The following AGBL4 variants were observed in gnomAD, a reference collection of about 807,000 sequenced individuals.
The protein encoded by AGBL4 is AGBL carboxypeptidase 4, also known as cytosolic carboxypeptidase 6.
In AGBL4, 58 loss-of-function variants were observed where a neutral mutation model predicts 66.4. That is an observed-to-expected ratio of 0.87 (90% CI 0.71 to 1.09). AGBL4 has a LOEUF of 1.09. AGBL4 is among the 50% of genes least tolerant of loss of function. The pLI is 0.00. For missense variants in AGBL4, 579 were observed against 631.0 expected, an observed-to-expected ratio of 0.92 and a Z score of 0.88; for synonymous variants, 234 against 222.9, an observed-to-expected ratio of 1.05 and a Z score of -0.44.
intron 3 of AGBL4, among the ~76,000 whole-genome samples, chr1:49,565,346 A>T (rs962376510): frequency 4.6e-5 from 7 of 152,182 alleles, no homozygotes; most frequent in African/African-American, 1.7e-4. Flanking sequence ...TCCTGTCATT[A>T]TGATGTTAGC....
chr1:49,385,325 G>A (rs1362517669), intron 3 of AGBL4, among the ~76,000 whole-genome samples: 1 of 151,796 alleles, frequency 6.6e-6, no homozygotes, highest in African/African-American at 2.4e-5. Flanking sequence ...ATAATAAAAT[G>A]ACAAAAGTGC....
At chr1:49,330,153 G>A (rs986901431) in intron 3 of AGBL4, among the ~76,000 whole-genome samples, 6 of 152,088 alleles carry the variant, frequency 3.9e-5, no homozygotes, top group South Asian at 2.1e-4. Context: ...TGGTGGCTTC[G>A]CACCTGTAAT....
chr1:48,970,448 C>A (rs1033818057), intron 5 of AGBL4, among the ~76,000 whole-genome samples: 2 of 152,130 alleles, frequency 1.3e-5, no homozygotes. Flanking sequence ...GCATTTACTG[C>A]AAATTAGTTT....
intron 1 of AGBL4, among the ~76,000 whole-genome samples, chr1:50,001,106 T>C (rs1266612919): frequency 6.6e-6 from 1 of 151,750 alleles, no homozygotes; most frequent in Non-Finnish European, 1.5e-5. Flanking sequence ...TATGATTTTA[T>C]ACACATGAAG....
At chr1:48,850,158 A>T (rs147670014) in intron 6 of AGBL4, among the ~76,000 whole-genome samples, 2 of 152,302 alleles carry the variant, frequency 1.3e-5, no homozygotes, top group East Asian at 3.9e-4. Context: ...TTCACCGACT[A>T]TACTTTGAGA....
chr1:49,925,527 C>T (rs1652677286), intron 1 of AGBL4, among the ~76,000 whole-genome samples: 1 of 152,098 alleles, frequency 6.6e-6, no homozygotes, highest in African/African-American at 2.4e-5. Context: ...TTGTCTTGAG[C>T]TTGGGTGTCA....
chr1:48,540,981 T>G (rs1644058476), intron 11 of AGBL4, among the ~76,000 whole-genome samples: 1 of 152,184 alleles, frequency 6.6e-6, no homozygotes, highest in Non-Finnish European at 1.5e-5. Context: ...TCAGTTACCT[T>G]CAAAGTCCAA....
chr1:49,839,450 A>G (rs915954235), intron 2 of AGBL4, among the ~76,000 whole-genome samples: 2 of 152,188 alleles, frequency 1.3e-5, no homozygotes, highest in Non-Finnish European at 2.9e-5. Context: ...ATGGCCTTAT[A>G]AGGTGGCATG....
chr1:49,164,910 G>C (rs894514759), intron 4 of AGBL4, among the ~76,000 whole-genome samples: 2 of 152,200 alleles, frequency 1.3e-5, no homozygotes, highest in East Asian at 3.9e-4. Context: ...TCAGCACAAG[G>C]AGCTTGCTTA....
At chr1:48,967,390 ATATT>A (rs1210398859) in intron 5 of AGBL4, among the ~76,000 whole-genome samples, 1 of 152,172 alleles carries the variant, frequency 6.6e-6, no homozygotes, top group African/African-American at 2.4e-5. Context: ...AAATCAATGA[ATATT>A]TATTGTATGT....
chr1:48,671,621 G>T (rs891531572), intron 6 of AGBL4, among the ~76,000 whole-genome samples: 10 of 152,160 alleles, frequency 6.6e-5, no homozygotes, highest in African/African-American at 2.4e-4. Context: ...AATGCTTCAG[G>T]TCTATGTATA....
intron 3 of AGBL4, among the ~76,000 whole-genome samples, chr1:49,515,396 T>C (rs1465490940): frequency 6.6e-6 from 1 of 152,096 alleles, no homozygotes; most frequent in African/African-American, 2.4e-5. Flanking sequence ...CAACAGGTGC[T>C]GGAGAGGATG....
intron 4 of AGBL4, among the ~76,000 whole-genome samples, chr1:49,107,217 T>C (rs1488590594): frequency 6.6e-6 from 1 of 152,206 alleles, no homozygotes; most frequent in Non-Finnish European, 1.5e-5. Context: ...TTACTTTCAG[T>C]ACTGTATTTA....
chr1:49,747,526 T>C (rs1032116006), intron 2 of AGBL4, among the ~76,000 whole-genome samples: 11 of 152,328 alleles, frequency 7.2e-5, no homozygotes, highest in African/African-American at 2.6e-4. Context: ...TTTAATAATG[T>C]TGACTTTTTT....
At chr1:49,168,684 C>T (rs942342485) in intron 4 of AGBL4, among the ~76,000 whole-genome samples, 1 of 152,150 alleles carries the variant, frequency 6.6e-6, no homozygotes, top group Non-Finnish European at 1.5e-5. Flanking sequence ...TTGCCACCTG[C>T]ACCAAGGACT....
intron 5 of AGBL4, among the ~76,000 whole-genome samples, chr1:48,953,776 C>T (rs971637461): frequency 6.6e-6 from 1 of 152,140 alleles, no homozygotes; most frequent in Non-Finnish European, 1.5e-5. Context: ...AGAGAGGAAT[C>T]ATAAATTTAG....
chr1:49,171,832 G>A (rs1306694996), intron 4 of AGBL4, among the ~76,000 whole-genome samples: 3 of 152,072 alleles, frequency 2.0e-5, no homozygotes, highest in Non-Finnish European at 4.4e-5. Flanking sequence ...TTTTTCTATG[G>A]AAGCCAAGAG....
intron 6 of AGBL4, among the ~76,000 whole-genome samples, chr1:48,812,770 C>A (rs986085357): frequency 6.6e-6 from 1 of 152,096 alleles, no homozygotes; most frequent in African/African-American, 2.4e-5. Context: ...CCATGGAATA[C>A]TATGCAGCCA....
At chr1:49,186,292 A>G (rs1248763483) in intron 4 of AGBL4, among the ~76,000 whole-genome samples, 1 of 152,194 alleles carries the variant, frequency 6.6e-6, no homozygotes, top group Non-Finnish European at 1.5e-5. Flanking sequence ...CTTCAAGGCC[A>G]ATCTCAAATA....
Sources: gnomAD v4.1 joint callset for allele counts (sites outside exome capture counted in the v4.1 genomes callset) on GRCh38, gnomAD v4.1.1 for gene constraint, MANE v1.5 for transcripts, NCBI Gene and HGNC (gene_info 2026-07-23, HGNC 2026-07-21) for gene names.